TTC27: variants seen among roughly 807,000 people sequenced by gnomAD.
The protein encoded by TTC27 is tetratricopeptide repeat domain 27.
TTC27 carries 79 observed loss-of-function variants against 115.9 expected under a neutral mutation model. That is an observed-to-expected ratio of 0.68 (90% CI 0.57 to 0.82). TTC27 has a LOEUF of 0.82. Ranked by LOEUF, TTC27 falls within the 40% of genes least tolerant of loss-of-function variation. The probability of loss-of-function intolerance (pLI) is 0.00; values close to 1 mark genes in which losing one functional copy is unlikely to be tolerated. For synonymous variants in TTC27, 401 were observed against 356.0 expected (o/e 1.13, Z -1.42); for missense variants, 1,054 against 993.1 (o/e 1.06, Z -0.82).
intron 10 of TTC27, among the ~76,000 whole-genome samples, chr2:32,723,283 C>T (rs576119777): frequency 5.3e-5 from 8 of 152,118 alleles, no homozygotes; most frequent in Non-Finnish European, 1.2e-4. Flanking sequence ...ATCTTAACAT[C>T]CTTACGCAGC....
intron 13 of TTC27, 87 bp downstream of exon 13, chr2:32,758,606 C>A: frequency 8.1e-7 from 1 of 1,239,378 alleles, no homozygotes; most frequent in Non-Finnish European, 1.1e-6. Context: ...CATTTTCTAA[C>A]CTGATAACTG....
chr2:32,783,276 G>A (rs1055604877), intron 15 of TTC27, among the ~76,000 whole-genome samples: 1 of 152,090 alleles, frequency 6.6e-6, no homozygotes, highest in African/African-American at 2.4e-5. Flanking sequence ...ATGTCATCCT[G>A]GATCAGAAAT....
intron 12 of TTC27, among the ~76,000 whole-genome samples, chr2:32,752,960 C>A (rs544544108): frequency 9.9e-5 from 15 of 152,272 alleles, no homozygotes; most frequent in African/African-American, 3.1e-4. Context: ...AACTTAGTGG[C>A]TTAAAACAAC....
chr2:32,746,631 A>T (rs576071396), intron 12 of TTC27, among the ~76,000 whole-genome samples: 1 of 152,008 alleles, frequency 6.6e-6, no homozygotes, highest in Admixed American at 6.6e-5. Context: ...CAATAGCCAG[A>T]AATTCTAAAG....
At chr2:32,678,725 C>A (rs1336571836) in intron 8 of TTC27, 131 bp from the exon 9 acceptor site, 2 of 634,214 alleles carry the variant, frequency 3.2e-6, no homozygotes, top group African/African-American at 1.9e-5. Context: ...CTGTGCCCGG[C>A]CCCCATAATA....
At chr2:32,659,394 A>G (rs1281517396) in intron 5 of TTC27, among the ~76,000 whole-genome samples, 1 of 144,984 alleles carries the variant, frequency 6.9e-6, no homozygotes, top group Non-Finnish European at 1.5e-5. Context: ...ATTGAAGTAC[A>G]ACTCTATTTT....
chr2:32,695,718 C>CAA (rs66677186), intron 9 of TTC27, among the ~76,000 whole-genome samples: 1 of 29,730 alleles, frequency 3.4e-5, no homozygotes, highest in African/African-American at 1.4e-4. Context: ...GGCTCTATCT[C>CAA]AAAAAAAAAA....
At chr2:32,682,718 G>T (rs1450691665) in intron 9 of TTC27, among the ~76,000 whole-genome samples, 2 of 148,180 alleles carry the variant, frequency 1.3e-5, no homozygotes, top group Non-Finnish European at 3.0e-5. Context: ...GCCCAGGCTG[G>T]AATGCAATGG....
chr2:32,749,027 G>T (rs1032904425), intron 12 of TTC27, among the ~76,000 whole-genome samples: 3 of 152,138 alleles, frequency 2.0e-5, no homozygotes, highest in Non-Finnish European at 4.4e-5. Flanking sequence ...GATTACTTAA[G>T]ATAGTTGATT....
chr2:32,651,626 C>G (rs1034967493), intron 5 of TTC27, among the ~76,000 whole-genome samples: 1 of 152,058 alleles, frequency 6.6e-6, no homozygotes, highest in East Asian at 1.9e-4. Context: ...ATTACAGGCT[C>G]GAGCCACTGC....
intron 12 of TTC27, among the ~76,000 whole-genome samples, chr2:32,741,368 G>T (rs12052885): frequency 0.34 from 51,192 of 151,918 alleles, 8,873 homozygotes; most frequent in South Asian, 0.53. Context: ...TGTTGGCCAG[G>T]TGTGGTGGCT....
At chr2:32,807,146 A>G (rs1173141591) in intron 16 of TTC27, among the ~76,000 whole-genome samples, 1 of 152,146 alleles carries the variant, frequency 6.6e-6, no homozygotes, top group Non-Finnish European at 1.5e-5. Flanking sequence ...CTAATAAATG[A>G]ATATTCATGT....
At chr2:32,668,849 G>A (rs954501101) in intron 7 of TTC27, among the ~76,000 whole-genome samples, 3 of 151,978 alleles carry the variant, frequency 2.0e-5, no homozygotes, top group South Asian at 2.1e-4. Context: ...GGAGGCCGAG[G>A]TGGACGGATC....
intron 5 of TTC27, 125 bp from the exon 6 acceptor site, chr2:32,664,178 T>C (rs1260129504): frequency 3.0e-5 from 24 of 796,506 alleles, no homozygotes; most frequent in Middle Eastern, 7.9e-4. Context: ...TCAGGTCTTA[T>C]GTTTAAAATT....
At chr2:32,749,649 AC>A (rs1668944592) in intron 12 of TTC27, among the ~76,000 whole-genome samples, 1 of 152,172 alleles carries the variant, frequency 6.6e-6, no homozygotes, top group African/African-American at 2.4e-5. Flanking sequence ...TACATTTGCT[AC>A]TGTCTGCCTG....
intron 16 of TTC27, among the ~76,000 whole-genome samples, chr2:32,790,457 C>CTCTAATTG (rs1241273374): frequency 6.6e-6 from 1 of 151,982 alleles, no homozygotes; most frequent in Non-Finnish European, 1.5e-5. Context: ...AATTGGCAAA[C>CTCTAATTG]TCTAATTGTA....
chr2:32,699,174 C>G (rs6543669), intron 9 of TTC27, among the ~76,000 whole-genome samples: 26,066 of 152,164 alleles, frequency 0.17, 2,862 homozygotes, highest in South Asian at 0.36. Flanking sequence ...ATAGCTGGGA[C>G]TTCTGCCCTG....
chr2:32,693,304 G>A (rs1666878171), intron 9 of TTC27, among the ~76,000 whole-genome samples: 1 of 152,204 alleles, frequency 6.6e-6, no homozygotes, highest in Admixed American at 6.5e-5. Context: ...TTAAGACAGT[G>A]CTCATCAAAT....
At chr2:32,714,310 C>A (rs573956552) in intron 10 of TTC27, among the ~76,000 whole-genome samples, 2 of 152,090 alleles carry the variant, frequency 1.3e-5, no homozygotes, top group Non-Finnish European at 2.9e-5. Context: ...AGGAGCCTGC[C>A]ACCATGCCTG....
Sources: allele counts gnomAD v4.1 joint callset (sites outside exome capture counted in the v4.1 genomes callset), GRCh38; gene constraint gnomAD v4.1.1; transcripts MANE v1.5; gene names NCBI Gene and HGNC (gene_info 2026-07-23, HGNC 2026-07-21).